The following LIPM variants were observed in gnomAD, a reference collection of about 807,000 sequenced individuals.
LIPM encodes the protein lipase family member M.
Under a neutral mutation model 42.4 loss-of-function variants are expected in LIPM, and 42 were observed. The observed-to-expected ratio is 0.99, with a 90% CI of 0.77 to 1.28. The LOEUF (loss-of-function observed/expected upper bound fraction) is 1.28, where lower values mean the gene tolerates loss of function less well. Among genes scored for constraint, LIPM ranks in the 50% most tolerant of loss-of-function variants. The pLI is 0.00. For synonymous variants in LIPM, 177 were observed against 173.3 expected (o/e 1.02, Z -0.17); for missense variants, 524 against 520.1 (o/e 1.01, Z -0.07).
At position 88,817,828 on chromosome 10, in the gene LIPM, G is replaced by C. The variant is rs1278414779; in HGVS notation, c.934G>C (p.Val312Leu). 7 of 1,550,890 alleles carry C rather than the reference G, an allele frequency of 4.5e-6. No homozygotes were observed. The highest frequency in any genetic ancestry group is 6.1e-6 in the Non-Finnish European group (7 of 1,146,498). ...VQNILHWSQA[V>L]NSGELRAFDW... ...GTAAATTTTTGTCTCCTTTTAGGCAGTGAATTCTGGTGAACTCCGGGCATT... is the reference window on the plus strand; with the variant it reads ...GTAAATTTTTGTCTCCTTTTAGGCACTGAATTCTGGTGAACTCCGGGCATT... The change falls in exon 8 of 9, where the codon GTG becomes CTG. Residue 312 changes from valine to leucine, a missense_variant. Val to Leu is a conservative substitution (Grantham distance 32). Transcript: ENST00000404743.
At chr10:88,804,327 A>G (rs920461654) in intron 1 of LIPM, among the ~76,000 whole-genome samples, 4 of 152,120 alleles carry the variant, frequency 2.6e-5, no homozygotes, top group African/African-American at 9.7e-5. Context: ...TGTACCCAGC[A>G]CCTATACACT....
At chr10:88,815,634 G>T (rs1205051293) in intron 6 of LIPM, 131 bp downstream of exon 6, 2 of 787,820 alleles carry the variant, frequency 2.5e-6, no homozygotes, top group African/African-American at 3.5e-5. Context: ...TCAGTTCTCT[G>T]CAAACTGTAA....
At chr10:88,805,799 C>T (rs1280583214) in intron 1 of LIPM, 18 of 307,234 alleles carry the variant, frequency 5.9e-5, no homozygotes, top group Non-Finnish European at 1.0e-4. Context: ...AGGCAGAATT[C>T]ATACAATAAT....
intron 1 of LIPM, among the ~76,000 whole-genome samples, chr10:88,804,184 C>T (rs374250834): frequency 6.6e-6 from 1 of 152,146 alleles, no homozygotes; most frequent in Non-Finnish European, 1.5e-5. Context: ...AGGTAGTTAG[C>T]ACATTGGTGT....
intron 1 of LIPM, among the ~76,000 whole-genome samples, chr10:88,805,106 T>G (rs1378451715): frequency 6.6e-6 from 1 of 152,242 alleles, no homozygotes; most frequent in Non-Finnish European, 1.5e-5. Flanking sequence ...AAGTGTTTAC[T>G]GAGCACCTAC....
intron 1 of LIPM, among the ~76,000 whole-genome samples, chr10:88,805,428 A>G (rs1428718074): frequency 6.6e-6 from 1 of 152,252 alleles, no homozygotes; most frequent in Non-Finnish European, 1.5e-5. Flanking sequence ...AAAGCAGCTT[A>G]TATCTGGATG....
intron 1 of LIPM, chr10:88,806,006 G>T: frequency 2.2e-6 from 1 of 456,584 alleles, no homozygotes; most frequent in Non-Finnish European, 4.4e-6. Context: ...CCGCAAACAG[G>T]TCAGTCACTG....
At position 88,813,265 on chromosome 10, in the gene LIPM, C is replaced by G. The variant is rs1843676073; in HGVS notation, c.434C>G (p.Ser145Cys). 6.2e-7 allele frequency: 1 copy of G among 1,610,236 alleles called. No individual in the cohort carries two copies. Among genetic ancestry groups the G allele is most frequent in the African/African-American group, 1.3e-5 (1 of 74,856 alleles). The change falls in exon 3 of 9, where the codon TCC (serine) becomes TGC (cysteine). Residue 145 changes from serine to cysteine, a missense_variant. Transcript: ENST00000404743. ...TGGTCTCGAAAACACAAGACACTCT[C>G]CATAGACCAAGATGAGTTCTGGGCT... ...NAWSRKHKTL[S>C]IDQDEFWAFS...
chr10:88,809,707 C>A (rs74147293), intron 2 of LIPM, among the ~76,000 whole-genome samples: 1 of 152,318 alleles, frequency 6.6e-6, no homozygotes, highest in South Asian at 2.1e-4. Flanking sequence ...TGGACAAATG[C>A]TATTGGGCTT....
intron 2 of LIPM, among the ~76,000 whole-genome samples, chr10:88,812,298 G>A (rs1196323298): frequency 1.3e-5 from 2 of 152,108 alleles, no homozygotes; most frequent in African/African-American, 4.8e-5. Flanking sequence ...GGTGGTATCT[G>A]CCAGGTTTTT....
chr10:88,808,251 A>G, intron 1 of LIPM, 47 bp from the exon 2 acceptor site: 1 of 1,041,144 alleles, frequency 9.6e-7, no homozygotes. Flanking sequence ...CATTGAGAAT[A>G]TGGCCACAGA....
chr10:88,808,622 A>G (rs1027879815), intron 2 of LIPM, among the ~76,000 whole-genome samples: 1 of 152,166 alleles, frequency 6.6e-6, no homozygotes, highest in African/African-American at 2.4e-5. Flanking sequence ...TTAAACATAC[A>G]GTGTTTGCTT....
chr10:88,814,412 G>A (rs908507521), intron 3 of LIPM, 118 bp from the exon 4 acceptor site: 14 of 660,984 alleles, frequency 2.1e-5, no homozygotes, highest in Non-Finnish European at 3.2e-5. Context: ...TGAGGGACAC[G>A]GTAACAAGCT....
intron 2 of LIPM, among the ~76,000 whole-genome samples, chr10:88,812,837 A>G (rs1411222110): frequency 6.6e-6 from 1 of 152,256 alleles, no homozygotes; most frequent in Non-Finnish European, 1.5e-5. Flanking sequence ...GTTAAACTTT[A>G]TAGATTCTTT....
intron 2 of LIPM, among the ~76,000 whole-genome samples, chr10:88,810,761 G>T (rs1843644987): frequency 6.6e-6 from 1 of 152,184 alleles, no homozygotes; most frequent in Admixed American, 6.5e-5. Flanking sequence ...GGGGATGTTT[G>T]AAATGATATA....
At position 88,814,568 on chromosome 10, in the gene LIPM, T is replaced by C; in HGVS notation, c.503T>C (p.Ile168Thr). ...GCTAGGTTTGACCTTCCTGCAGTGA[T>C]AAACTTTATTTTGCAGAAAACGGGC... ...EMARFDLPAV[I>T]NFILQKTGQE... Residue 168 changes from isoleucine to threonine, a missense_variant, in exon 4 of 9, where the codon ATA (isoleucine) becomes ACA (threonine). Physicochemically the swap from Ile to Thr is moderately conservative, Grantham distance 89. Coordinates refer to ENST00000404743, the MANE Select transcript of LIPM (RefSeq NM_001128215.1). The C allele has an allele frequency of 6.4e-7, 1 of 1,551,806 alleles. No individual in the cohort carries two copies. The highest frequency in any genetic ancestry group is 1.2e-5 in the South Asian group (1 of 84,060).
chr10:88,808,509 G>A, intron 2 of LIPM, 94 bp downstream of exon 2: 1 of 736,876 alleles, frequency 1.4e-6, no homozygotes, highest in Non-Finnish European at 2.4e-6. Context: ...TGGGTTCTTA[G>A]TGCAGAGTGA....
At chr10:88,812,023 T>A (rs1241545932) in intron 2 of LIPM, among the ~76,000 whole-genome samples, 1 of 152,202 alleles carries the variant, frequency 6.6e-6, no homozygotes, top group Non-Finnish European at 1.5e-5. Flanking sequence ...CAGGATCATT[T>A]ACTATACATT....
intron 6 of LIPM, among the ~76,000 whole-genome samples, chr10:88,815,724 G>A (rs1843711528): frequency 6.6e-6 from 1 of 152,232 alleles, no homozygotes; most frequent in African/African-American, 2.4e-5. Context: ...ACAGATTATA[G>A]ATGGAAGAGG....
Sources: gnomAD v4.1 joint callset for allele counts (sites outside exome capture counted in the v4.1 genomes callset) on GRCh38, gnomAD v4.1.1 for gene constraint, MANE v1.5 for transcripts, NCBI Gene and HGNC (gene_info 2026-07-23, HGNC 2026-07-21) for gene names.